Variants in NKAIN2 observed in about 807,000 individuals in gnomAD.
The protein encoded by NKAIN2 is sodium/potassium transporting ATPase interacting 2, also known as sodium/potassium-transporting ATPase subunit beta-1-interacting protein 2.
Under a neutral mutation model 32.6 loss-of-function variants are expected in NKAIN2, and 14 were observed. The ratio of observed to expected loss-of-function variants is 0.43; its 90% CI spans 0.28 to 0.67. NKAIN2 has a LOEUF of 0.67. Among genes scored for constraint, NKAIN2 ranks in the 30% least tolerant of loss-of-function variants. The pLI, the probability that NKAIN2 is intolerant of heterozygous loss-of-function variation, is 0.17. For synonymous variants in NKAIN2, 80 were observed against 87.2 expected (o/e 0.92, Z 0.46); for missense variants, 198 against 258.3 (o/e 0.77, Z 1.60).
intron 5 of NKAIN2, chr6:124,794,860 T>C: frequency 1.0e-6 from 1 of 970,842 alleles, no homozygotes; most frequent in Non-Finnish European, 1.2e-6. Context: ...CCTGGACATA[T>C]GACTTCCGAT....
chr6:123,995,011 A>G (rs1466455096), intron 1 of NKAIN2, among the ~76,000 whole-genome samples: 1 of 152,182 alleles, frequency 6.6e-6, no homozygotes, highest in Non-Finnish European at 1.5e-5. Context: ...GCAACGTTAA[A>G]TTCTGAGTTT....
chr6:124,558,767 G>A (rs567945089), intron 3 of NKAIN2, among the ~76,000 whole-genome samples: 2 of 152,266 alleles, frequency 1.3e-5, no homozygotes, highest in East Asian at 1.9e-4. Context: ...GGCTAACATG[G>A]TGAAACCCCA....
intron 1 of NKAIN2, among the ~76,000 whole-genome samples, chr6:124,163,227 A>T (rs1333284594): frequency 6.6e-6 from 1 of 151,972 alleles, no homozygotes; most frequent in Non-Finnish European, 1.5e-5. Context: ...TCATCTGAGG[A>T]AATAAATATA....
At chr6:124,611,223 AG>A (rs780036091) in intron 3 of NKAIN2, among the ~76,000 whole-genome samples, 4 of 152,184 alleles carry the variant, frequency 2.6e-5, no homozygotes, top group Non-Finnish European at 5.9e-5. Context: ...TTAAAGCATC[AG>A]GGTTAAAGGG....
chr6:124,506,546 G>A (rs1329824144), intron 3 of NKAIN2, among the ~76,000 whole-genome samples: 1 of 152,204 alleles, frequency 6.6e-6, no homozygotes, highest in African/African-American at 2.4e-5. Flanking sequence ...CTCCCAGACA[G>A]TAGAATTTAA....
At chr6:124,594,258 G>A (rs562095386) in intron 3 of NKAIN2, among the ~76,000 whole-genome samples, 7 of 152,302 alleles carry the variant, frequency 4.6e-5, no homozygotes, top group African/African-American at 1.7e-4. Context: ...TGTAACTTCT[G>A]TAAATAGAGT....
chr6:124,402,394 G>C (rs183912730), intron 3 of NKAIN2, among the ~76,000 whole-genome samples: 3 of 152,096 alleles, frequency 2.0e-5, no homozygotes, highest in African/African-American at 4.8e-5. Flanking sequence ...ATCCTTTCCC[G>C]TTACATCTGT....
At chr6:123,845,010 T>A (rs1775032127) in intron 1 of NKAIN2, among the ~76,000 whole-genome samples, 1 of 152,230 alleles carries the variant, frequency 6.6e-6, no homozygotes, top group African/African-American at 2.4e-5. Context: ...AAATTTGTTT[T>A]AAGATGTTAA....
At chr6:124,382,906 A>AAC (rs1462968589) in intron 3 of NKAIN2, among the ~76,000 whole-genome samples, 8 of 152,280 alleles carry the variant, frequency 5.3e-5, no homozygotes, top group Admixed American at 5.2e-4. Context: ...GATATCTGTT[A>AAC]GTTTTCTGGC....
At chr6:124,417,394 A>G (rs491104) in intron 3 of NKAIN2, among the ~76,000 whole-genome samples, 24,923 of 152,216 alleles carry the variant, frequency 0.16, 2,331 homozygotes, top group East Asian at 0.24. Flanking sequence ...AGTTGAAGAT[A>G]AAACAATAGA....
intron 3 of NKAIN2, among the ~76,000 whole-genome samples, chr6:124,631,804 G>A (rs1316146161): frequency 1.3e-5 from 2 of 152,020 alleles, no homozygotes; most frequent in East Asian, 3.9e-4. Flanking sequence ...TGCTCTCGAG[G>A]TTCCCCATTT....
chr6:123,842,439 A>T (rs184138385), intron 1 of NKAIN2, among the ~76,000 whole-genome samples: 70 of 152,242 alleles, frequency 4.6e-4, no homozygotes, highest in Middle Eastern at 3.4e-3. Flanking sequence ...TTAGAGCCCT[A>T]TCCTTATGAC....
chr6:124,304,687 G>C (rs561400830), intron 2 of NKAIN2, among the ~76,000 whole-genome samples: 214 of 151,884 alleles, frequency 1.4e-3, no homozygotes, highest in African/African-American at 5.0e-3. Context: ...AGGCCAAGGT[G>C]GGGGGATCAT....
chr6:124,082,816 T>G (rs967104310), intron 1 of NKAIN2, among the ~76,000 whole-genome samples: 1 of 151,994 alleles, frequency 6.6e-6, no homozygotes, highest in African/African-American at 2.4e-5. Flanking sequence ...CATTGGGAAT[T>G]GAGAAATTTA....
At chr6:124,092,223 C>G (rs1784459043) in intron 1 of NKAIN2, among the ~76,000 whole-genome samples, 1 of 151,932 alleles carries the variant, frequency 6.6e-6, no homozygotes, top group Non-Finnish European at 1.5e-5. Flanking sequence ...GTTTTTTTGT[C>G]AGGGGTTGAA....
At chr6:124,791,123 G>C (rs771163803) in intron 4 of NKAIN2, among the ~76,000 whole-genome samples, 1 of 152,046 alleles carries the variant, frequency 6.6e-6, no homozygotes, top group Non-Finnish European at 1.5e-5. Flanking sequence ...CATAAATGCA[G>C]GTCAGAGAAA....
At chr6:124,268,539 A>G (rs996655561) in intron 1 of NKAIN2, among the ~76,000 whole-genome samples, 2 of 151,978 alleles carry the variant, frequency 1.3e-5, no homozygotes, top group Admixed American at 6.6e-5. Flanking sequence ...TAGAAAAAAA[A>G]CTCTATTACT....
In NKAIN2 at chr6:123,959,579, A is replaced by G. The variant is rs964080621; in HGVS notation, c.54+155325A>G. Among the ~76,000 whole-genome samples the G allele has an allele frequency of 7.2e-5, 11 of 152,230 alleles. No individual in the cohort carries two copies. The East Asian group carries it at 2.1e-3, about 29-fold the overall frequency. ...AAGGGGTATATTCATACCCTTTTGA[A>G]ATGAAGAAATGGATTCTCTATTGGG... On this transcript the variant is annotated intron_variant, in intron 1 of 6. Transcript: ENST00000368417.
At chr6:124,780,004 A>G (rs1779186211) in intron 4 of NKAIN2, among the ~76,000 whole-genome samples, 2 of 152,256 alleles carry the variant, frequency 1.3e-5, no homozygotes, top group African/African-American at 4.8e-5. Flanking sequence ...AGTTGAAAAT[A>G]AAACAATGAA....
Sources: allele counts gnomAD v4.1 joint callset (sites outside exome capture counted in the v4.1 genomes callset), GRCh38; gene constraint gnomAD v4.1.1; transcripts MANE v1.5; gene names NCBI Gene and HGNC (gene_info 2026-07-23, HGNC 2026-07-21).